NR2F1-AS1: variants seen among roughly 807,000 people sequenced by gnomAD.
The protein encoded by NR2F1-AS1 is NR2F1 antisense RNA 1.
At position 93,466,251 on chromosome 5, in the gene NR2F1-AS1, A is replaced by C. The variant is rs868354600; in HGVS notation, n.639-70709T>G. 7.4e-5 allele frequency among the ~76,000 whole-genome samples: 11 copies of C among 148,498 alleles called. 1 individual carries two copies. Among genetic ancestry groups the C allele is most frequent in the African/African-American group, 2.7e-4 (11 of 40,214 alleles). On this transcript the variant is annotated intron_variant and non_coding_transcript_variant, in intron 4 of 5. Coordinates refer to ENST00000660523, the Ensembl canonical transcript of NR2F1-AS1. Reference sequence around the variant, plus strand: ...ATGTTTCCTCCAATAATATCCACCCACTTTTGCCATCTCTTTTCCTCCTCC... The same window carrying C: ...ATGTTTCCTCCAATAATATCCACCCCCTTTTGCCATCTCTTTTCCTCCTCC...
At chr5:93,537,318 T>C (rs1186684831) in intron 4 of NR2F1-AS1, among the ~76,000 whole-genome samples, 2 of 152,104 alleles carry the variant, frequency 1.3e-5, no homozygotes, top group African/African-American at 4.8e-5. Flanking sequence ...TACATCAAAC[T>C]AAGATGCTTT....
chr5:93,562,197 A>T (rs950445227), intron 2 of NR2F1-AS1, among the ~76,000 whole-genome samples: 5 of 138,654 alleles, frequency 3.6e-5, no homozygotes, highest in African/African-American at 1.4e-4. Context: ...AAAAAAAAAA[A>T]AAGAAAAGAA....
At chr5:93,475,885 G>A (rs1750473818) in intron 4 of NR2F1-AS1, among the ~76,000 whole-genome samples, 1 of 152,130 alleles carries the variant, frequency 6.6e-6, no homozygotes, top group Non-Finnish European at 1.5e-5. Flanking sequence ...TTAAGCAATA[G>A]CCAAGTTTCA....
At chr5:93,487,928 A>T (rs1750761173) in intron 4 of NR2F1-AS1, among the ~76,000 whole-genome samples, 1 of 152,156 alleles carries the variant, frequency 6.6e-6, no homozygotes, top group Non-Finnish European at 1.5e-5. Flanking sequence ...AGGCCTCAGA[A>T]ATAAGACCAC....
At chr5:93,544,146 T>C (rs1245298136) in intron 4 of NR2F1-AS1, 5 of 152,122 alleles carry the variant, frequency 3.3e-5, no homozygotes, top group Non-Finnish European at 7.3e-5. Context: ...ACAAAGTTAA[T>C]TTAAAACTAA....
intron 4 of NR2F1-AS1, among the ~76,000 whole-genome samples, chr5:93,421,988 A>G (rs905487239): frequency 6.6e-5 from 10 of 152,208 alleles, no homozygotes; most frequent in Admixed American, 1.3e-4. Flanking sequence ...TACTTTCTCA[A>G]AGCATGTGCC....
chr5:93,577,904 T>C (rs1410869602), intron 1 of NR2F1-AS1, among the ~76,000 whole-genome samples: 2 of 152,128 alleles, frequency 1.3e-5, no homozygotes, highest in Non-Finnish European at 2.9e-5. Context: ...GGAAGAGGTA[T>C]AAAAGAGAAT....
At chr5:93,495,468 T>A (rs1442554775) in intron 4 of NR2F1-AS1, among the ~76,000 whole-genome samples, 1 of 152,070 alleles carries the variant, frequency 6.6e-6, no homozygotes, top group African/African-American at 2.4e-5. Flanking sequence ...TCTCCAAAAT[T>A]CTAATTAAGC....
intron 4 of NR2F1-AS1, among the ~76,000 whole-genome samples, chr5:93,518,550 T>A (rs1358650009): frequency 6.6e-6 from 1 of 152,112 alleles, no homozygotes; most frequent in Non-Finnish European, 1.5e-5. Context: ...TGAACCCAGA[T>A]TTTTTATTTC....
At chr5:93,539,731 T>C (rs1751911581) in intron 4 of NR2F1-AS1, among the ~76,000 whole-genome samples, 1 of 152,114 alleles carries the variant, frequency 6.6e-6, no homozygotes, top group Non-Finnish European at 1.5e-5. Context: ...TAAGGTATTC[T>C]CTATTACAAA....
chr5:93,461,550 GA>G (rs1750093302), intron 4 of NR2F1-AS1, among the ~76,000 whole-genome samples: 1 of 152,024 alleles, frequency 6.6e-6, no homozygotes, highest in Non-Finnish European at 1.5e-5. Flanking sequence ...GCTCAAAATA[GA>G]AACTGAGTTA....
At chr5:93,488,900 A>G (rs1287634051) in intron 4 of NR2F1-AS1, among the ~76,000 whole-genome samples, 1 of 152,220 alleles carries the variant, frequency 6.6e-6, no homozygotes, top group Non-Finnish European at 1.5e-5. Flanking sequence ...CATATACACC[A>G]TGGAATACTA....
At chr5:93,415,034 C>T (rs552248498) in intron 4 of NR2F1-AS1, among the ~76,000 whole-genome samples, 2 of 152,280 alleles carry the variant, frequency 1.3e-5, no homozygotes, top group African/African-American at 4.8e-5. Flanking sequence ...TAGAAGTTTA[C>T]ATCTCCCTGA....
intron 4 of NR2F1-AS1, among the ~76,000 whole-genome samples, chr5:93,490,092 A>T (rs1008498245): frequency 6.6e-6 from 1 of 152,206 alleles, no homozygotes; most frequent in Non-Finnish European, 1.5e-5. Context: ...ACTTGGTGCA[A>T]TTATTGTTAT....
intron 4 of NR2F1-AS1, among the ~76,000 whole-genome samples, chr5:93,541,585 G>C (rs1238060577): frequency 6.6e-6 from 1 of 152,048 alleles, no homozygotes; most frequent in African/African-American, 2.4e-5. Context: ...CTTTACCCTG[G>C]ATCCCCTGAA....
chr5:93,462,306 T>C (rs1750114498), intron 4 of NR2F1-AS1, among the ~76,000 whole-genome samples: 1 of 151,986 alleles, frequency 6.6e-6, no homozygotes, highest in Non-Finnish European at 1.5e-5. Flanking sequence ...AAATGGGGAG[T>C]TTCGCTGCAC....
chr5:93,486,726 C>T (rs1294755010), intron 4 of NR2F1-AS1, among the ~76,000 whole-genome samples: 1 of 152,140 alleles, frequency 6.6e-6, no homozygotes, highest in East Asian at 1.9e-4. Context: ...AAAAGAGGGA[C>T]TCCTCCCTAA....
intron 1 of NR2F1-AS1, among the ~76,000 whole-genome samples, chr5:93,572,542 C>T (rs185872755): frequency 1.9e-3 from 287 of 152,318 alleles, no homozygotes; most frequent in African/African-American, 6.5e-3. Flanking sequence ...CGCAACAACG[C>T]GCTGTCAGCC....
intron 4 of NR2F1-AS1, among the ~76,000 whole-genome samples, chr5:93,506,754 A>G (rs1420020010): frequency 1.3e-5 from 2 of 152,172 alleles, no homozygotes; most frequent in African/African-American, 4.8e-5. Context: ...CCCTCCCAGA[A>G]CACATGGGGA....
Sources: allele counts gnomAD v4.1 joint callset (sites outside exome capture counted in the v4.1 genomes callset), GRCh38; gene constraint gnomAD v4.1.1; transcripts MANE v1.5; gene names NCBI Gene and HGNC (gene_info 2026-07-23, HGNC 2026-07-21).